Variants in CSMD1 observed in about 807,000 individuals in gnomAD.
CSMD1 encodes CUB and sushi domain-containing protein 1.
In CSMD1, 213 loss-of-function variants were observed where a neutral mutation model predicts 417.5. The ratio of observed to expected loss-of-function variants is 0.51; its 90% CI spans 0.46 to 0.57. The LOEUF is 0.57. Ranked by LOEUF, CSMD1 falls within the 20% of genes least tolerant of loss-of-function variation. The probability of loss-of-function intolerance (pLI) is 0.00; values close to 1 mark genes in which losing one functional copy is unlikely to be tolerated. For missense variants in CSMD1, 6,923 were observed against 4,529.7 expected (o/e 1.53, Z -15.17); for synonymous variants, 2,862 against 1,736.8 (o/e 1.65, Z -16.11).
intron 2 of CSMD1, among the ~76,000 whole-genome samples, chr8:4,502,870 A>G (rs953638989): frequency 1.3e-5 from 2 of 152,172 alleles, no homozygotes; most frequent in African/African-American, 4.8e-5. Context: ...TTTTGAAAGA[A>G]AAAGTTTGAT....
rs75808295 is a variant in CSMD1 at position 4,967,499 on chromosome 8, T to C, written c.85+26833A>G. ...TAGGTGTTCTATGTACACACTCTCA[T>C]GAAATTACTATTCCATACCTATCTC... On this transcript the variant is annotated intron_variant, in intron 1 of 69. Transcript: ENST00000635120. 9.4e-3 allele frequency among the ~76,000 whole-genome samples: 1,434 copies of C among 152,278 alleles called. 67 individuals carry two copies. In the East Asian group the frequency reaches 0.14, roughly 15 times the overall value.
rs961652624 is a variant in CSMD1 at position 4,056,612 on chromosome 8, G to A, written c.416-24513C>T. On this transcript the variant is annotated intron_variant, in intron 3 of 69. Coordinates refer to ENST00000635120, the MANE Select transcript of CSMD1 (RefSeq NM_033225.6). Reference sequence around the variant, plus strand: ...AGGTAAGTTACCTATGTATACATGTGCCATGCTGGGGTCCTGCACCCATTA... The same window carrying A: ...AGGTAAGTTACCTATGTATACATGTACCATGCTGGGGTCCTGCACCCATTA... Among the ~76,000 whole-genome samples the A allele has an allele frequency of 2.0e-5, 3 of 151,864 alleles. No individual in the cohort carries two copies. In the East Asian group the frequency reaches 5.8e-4, roughly 30 times the overall value.
Position 4,336,694 on chromosome 8 carries a change from A to G in CSMD1, c.415+83259T>C, listed in dbSNP as rs117004942. ...TGACATAGTCCTTCGAAGACAAAGT[A>G]GAGATGAGGCTGTGTATTCTTTCTA... is the stretch of plus-strand genomic sequence containing the variant. On this transcript the variant is annotated intron_variant, in intron 3 of 69. Coordinates refer to ENST00000635120, the MANE Select transcript of CSMD1 (RefSeq NM_033225.6). Among the ~76,000 whole-genome samples the G allele has an allele frequency of 6.6e-4, 100 of 152,260 alleles. No homozygotes were observed. In the East Asian group the frequency reaches 0.012, roughly 18 times the overall value.
chr8:3,782,644 A>G (rs1799244110), intron 5 of CSMD1, among the ~76,000 whole-genome samples: 1 of 152,218 alleles, frequency 6.6e-6, no homozygotes, highest in Non-Finnish European at 1.5e-5. Context: ...TTAAAGTGTA[A>G]TTTAAAAAAT....
At chr8:3,726,726 C>T (rs1333029774) in intron 6 of CSMD1, among the ~76,000 whole-genome samples, 1 of 152,060 alleles carries the variant, frequency 6.6e-6, no homozygotes, top group African/African-American at 2.4e-5. Context: ...CCCTTGAATA[C>T]CAGAGGGAAC....
chr8:4,020,678 G>A (rs1018510038), intron 4 of CSMD1, among the ~76,000 whole-genome samples: 17 of 152,164 alleles, frequency 1.1e-4, no homozygotes, highest in Admixed American at 3.3e-4. Flanking sequence ...TAACAAAGCT[G>A]TTTTCATTTT....
intron 2 of CSMD1, among the ~76,000 whole-genome samples, chr8:4,459,163 G>C (rs890327045): frequency 5.3e-5 from 8 of 152,318 alleles, no homozygotes; most frequent in African/African-American, 1.7e-4. Context: ...CATAGGCAAA[G>C]GATAAACTGC....
rs1309775778 is a variant in CSMD1 at position 3,167,259 on chromosome 8, G to A, written c.5726-4982C>T. 1.4e-5 allele frequency among the ~76,000 whole-genome samples: 2 copies of A among 143,930 alleles called. 1 individual carries two copies. Among genetic ancestry groups the A allele is most frequent in the African/African-American group, 5.1e-5 (2 of 38,844 alleles). 94.4% of individuals were successfully genotyped at this position (143,930 alleles called of 152,430 possible). ...GAGATCGCACACTGCACTCCAGCCT[G>A]AGTGACAGAGCAAGACTCCAACTTG... On this transcript the variant is annotated intron_variant, in intron 37 of 69. Coordinates refer to ENST00000635120, the MANE Select transcript of CSMD1 (RefSeq NM_033225.6).
intron 51 of CSMD1, among the ~76,000 whole-genome samples, chr8:3,027,168 C>G (rs937517250): frequency 4.6e-5 from 7 of 152,082 alleles, no homozygotes; most frequent in African/African-American, 1.2e-4. Flanking sequence ...TTGACAATAT[C>G]AACATCAGGC....
intron 50 of CSMD1, among the ~76,000 whole-genome samples, chr8:3,043,480 C>G (rs1032912835): frequency 2.0e-5 from 3 of 151,928 alleles, no homozygotes; most frequent in Middle Eastern, 3.4e-3. Flanking sequence ...TAGTATTGCT[C>G]TGGTTTGCTT....
At chr8:4,805,749 T>C (rs544379762) in intron 1 of CSMD1, among the ~76,000 whole-genome samples, 33 of 152,188 alleles carry the variant, frequency 2.2e-4, no homozygotes, top group Non-Finnish European at 4.3e-4. Context: ...CCAGACCCTG[T>C]CATATTCCAT....
chr8:3,832,833 G>C (rs1384143870), intron 5 of CSMD1, among the ~76,000 whole-genome samples: 1 of 152,082 alleles, frequency 6.6e-6, no homozygotes, highest in African/African-American at 2.4e-5. Context: ...AAATCAATTT[G>C]TATGGTTATA....
intron 6 of CSMD1, among the ~76,000 whole-genome samples, chr8:3,709,770 G>A (rs1230873333): frequency 3.7e-5 from 5 of 134,762 alleles, no homozygotes; most frequent in African/African-American, 1.4e-4. Flanking sequence ...CCAACTTGCT[G>A]ACTTACCCCT....
chr8:3,504,051 C>A (rs1273230175), intron 10 of CSMD1, among the ~76,000 whole-genome samples: 4 of 152,050 alleles, frequency 2.6e-5, no homozygotes, highest in Non-Finnish European at 4.4e-5. Context: ...CTGTCATGAA[C>A]AACAATTTGC....
intron 3 of CSMD1, among the ~76,000 whole-genome samples, chr8:4,173,384 C>T (rs543565173): frequency 6.6e-6 from 1 of 151,964 alleles, no homozygotes; most frequent in African/African-American, 2.4e-5. Flanking sequence ...GAGACAGAGG[C>T]ATAAAGAGAA....
intron 1 of CSMD1, among the ~76,000 whole-genome samples, chr8:4,912,481 T>C (rs1805756613): frequency 6.6e-6 from 1 of 152,086 alleles, no homozygotes; most frequent in Non-Finnish European, 1.5e-5. Flanking sequence ...TCTAGAAAAC[T>C]CTTTCCATAC....
chr8:4,613,897 C>G (rs1801327373), intron 2 of CSMD1, among the ~76,000 whole-genome samples: 1 of 150,092 alleles, frequency 6.7e-6, no homozygotes, highest in South Asian at 2.1e-4. Context: ...CTCAATCACT[C>G]CATCTTCTGT....
At chr8:4,676,387 C>G (rs1396966482) in intron 1 of CSMD1, among the ~76,000 whole-genome samples, 1 of 152,202 alleles carries the variant, frequency 6.6e-6, no homozygotes, top group Non-Finnish European at 1.5e-5. Context: ...ATGTCCTTGA[C>G]TTTGACTTCC....
At chr8:4,827,856 G>T (rs1371645567) in intron 1 of CSMD1, among the ~76,000 whole-genome samples, 1 of 152,054 alleles carries the variant, frequency 6.6e-6, no homozygotes, top group Non-Finnish European at 1.5e-5. Flanking sequence ...TAGTTTACTT[G>T]CCCTTTACCA....
Sources: gnomAD v4.1 joint callset for allele counts (sites outside exome capture counted in the v4.1 genomes callset) on GRCh38, gnomAD v4.1.1 for gene constraint, MANE v1.5 for transcripts, NCBI Gene and HGNC (gene_info 2026-07-23, HGNC 2026-07-21) for gene names.